The following PLCB1 variants were observed in gnomAD, a reference collection of about 807,000 sequenced individuals.
The protein encoded by PLCB1 is phospholipase C beta 1, also known as 1-phosphatidylinositol 4,5-bisphosphate phosphodiesterase beta-1.
In PLCB1, 46 loss-of-function variants were observed where a neutral mutation model predicts 161.8. The ratio of observed to expected loss-of-function variants is 0.28; its 90% CI spans 0.22 to 0.36. The LOEUF is 0.36. Among genes scored for constraint, PLCB1 ranks in the 10% least tolerant of loss-of-function variants. The probability of loss-of-function intolerance (pLI) is 1.00; values close to 1 mark genes in which losing one functional copy is unlikely to be tolerated. For missense variants in PLCB1, 1,016 were observed against 1,472.5 expected (o/e 0.69, Z 5.07); for synonymous variants, 517 against 503.7 (o/e 1.03, Z -0.35).
At chr20:8,702,474 C>A (rs933931206) in intron 11 of PLCB1, among the ~76,000 whole-genome samples, 3 of 152,046 alleles carry the variant, frequency 2.0e-5, no homozygotes, top group Non-Finnish European at 4.4e-5. Flanking sequence ...AGGTTAAATC[C>A]AGCATTTCTG....
intron 2 of PLCB1, among the ~76,000 whole-genome samples, chr20:8,165,101 A>T (rs1322179009): frequency 6.6e-6 from 1 of 152,226 alleles, no homozygotes. Context: ...TTAGTTTTGT[A>T]TAGTTTTCTA....
chr20:8,262,025 C>T (rs1981723250), intron 2 of PLCB1, among the ~76,000 whole-genome samples: 1 of 151,854 alleles, frequency 6.6e-6, no homozygotes, highest in Admixed American at 6.6e-5. Flanking sequence ...GGGATTATTC[C>T]TTCCCTTCAT....
Position 8,741,494 on chromosome 20 carries a change from G to A in PLCB1, c.2444G>A (p.Arg815Gln), listed in dbSNP as rs779947339. 1.2e-5 allele frequency: 19 copies of A among 1,613,326 alleles called. No homozygotes were observed. The highest frequency in any genetic ancestry group is 6.7e-5 in the Admixed American group (4 of 59,988). ...ATCGAAGCTTTATCAAACCCAATCC[G>A]ATATGTGAACCTGATGGAACAGAGA... ...DVIEALSNPI[R>Q]YVNLMEQRAK... The change falls in exon 23 of 32, where the codon CGA becomes CAA. Residue 815 changes from arginine (R) to glutamine (Q), a missense_variant. By Grantham distance (43) the Arg-to-Gln change is conservative. This residue lies in a region of PLCB1 where 75 missense variants were observed against 117.0 expected (regional missense o/e 0.64). Coordinates refer to ENST00000338037, the MANE Select transcript of PLCB1 (RefSeq NM_015192.4).
intron 3 of PLCB1, among the ~76,000 whole-genome samples, chr20:8,575,297 C>G (rs572771502): frequency 6.6e-6 from 1 of 152,188 alleles, no homozygotes; most frequent in Non-Finnish European, 1.5e-5. Flanking sequence ...TTAGCTTATA[C>G]TTAGCCCCAG....
intron 4 of PLCB1, among the ~76,000 whole-genome samples, chr20:8,641,658 C>T (rs1988961238): frequency 6.6e-6 from 1 of 152,168 alleles, no homozygotes; most frequent in Non-Finnish European, 1.5e-5. Context: ...AAGAGGTAGA[C>T]CAATCAGACC....
intron 3 of PLCB1, among the ~76,000 whole-genome samples, chr20:8,452,959 A>G (rs1449554114): frequency 6.6e-6 from 1 of 152,194 alleles, no homozygotes; most frequent in Non-Finnish European, 1.5e-5. Context: ...GCTGACATGG[A>G]TGCCAGAATT....
chr20:8,529,225 A>G (rs1162500363), intron 3 of PLCB1, among the ~76,000 whole-genome samples: 1 of 152,016 alleles, frequency 6.6e-6, no homozygotes, highest in Admixed American at 6.6e-5. Flanking sequence ...TCCATTTATC[A>G]TTTTCCAAAA....
chr20:8,849,864 T>G (rs78921984), intron 31 of PLCB1, among the ~76,000 whole-genome samples: 6,442 of 151,306 alleles, frequency 0.043, 216 homozygotes, highest in African/African-American at 0.09. Flanking sequence ...AATACAAAAA[T>G]TAGCTGGGCA....
intron 31 of PLCB1, among the ~76,000 whole-genome samples, chr20:8,815,744 A>G (rs1159533145): frequency 1.3e-5 from 2 of 152,240 alleles, no homozygotes; most frequent in Non-Finnish European, 1.5e-5. Context: ...ATATCTGACT[A>G]TTAAAAAATT....
chr20:8,379,820 T>A (rs1426203418), intron 3 of PLCB1, among the ~76,000 whole-genome samples: 1 of 152,216 alleles, frequency 6.6e-6, no homozygotes, highest in Non-Finnish European at 1.5e-5. Flanking sequence ...TTTGTTTTTT[T>A]TCTTGTAAAT....
intron 2 of PLCB1, among the ~76,000 whole-genome samples, chr20:8,153,611 G>A (rs541503662): frequency 1.3e-4 from 20 of 152,056 alleles, no homozygotes; most frequent in African/African-American, 4.6e-4. Context: ...AAGTGTCAAT[G>A]TTAAAGAGCT....
rs556044984 is a variant in PLCB1 at position 8,287,010 on chromosome 20, CTAATATTT to C, written c.178-84363_178-84356del. On this transcript the variant is annotated intron_variant, in intron 2 of 31. Coordinates refer to ENST00000338037, the MANE Select transcript of PLCB1 (RefSeq NM_015192.4). ...AAATTCTCATATCCAAATTTTTCATCTAATATTTTAATATTTAACTTTTTAATCCAACA... is the reference window on the plus strand; with the variant it reads ...AAATTCTCATATCCAAATTTTTCATCTAATATTTAACTTTTTAATCCAACA... Among the ~76,000 whole-genome samples, 18 of 152,110 alleles carry C rather than the reference CTAATATTT, an allele frequency of 1.2e-4. No individual in the cohort carries two copies. In the East Asian group the frequency reaches 3.3e-3, roughly 28 times the overall value.
intron 18 of PLCB1, chr20:8,729,631 A>G (rs6056045): frequency 0.98 from 149,664 of 152,094 alleles, 73,656 homozygotes; most frequent in East Asian, 1. Context: ...TCATATATAC[A>G]TATATAAACA....
At chr20:8,698,149 A>T (rs1237435484) in intron 11 of PLCB1, among the ~76,000 whole-genome samples, 1 of 152,182 alleles carries the variant, frequency 6.6e-6, no homozygotes, top group Non-Finnish European at 1.5e-5. Context: ...CATCCATGTA[A>T]CTACCATCTA....
At chr20:8,503,581 A>G (rs1359417682) in intron 3 of PLCB1, among the ~76,000 whole-genome samples, 1 of 152,084 alleles carries the variant, frequency 6.6e-6, no homozygotes, top group Non-Finnish European at 1.5e-5. Context: ...CTATACAGTC[A>G]TATGTACAAT....
chr20:8,493,601 A>T (rs890054551), intron 3 of PLCB1, among the ~76,000 whole-genome samples: 1 of 152,236 alleles, frequency 6.6e-6, no homozygotes, highest in African/African-American at 2.4e-5. Flanking sequence ...TGTTTCTTGT[A>T]AAGTGAATTT....
intron 2 of PLCB1, among the ~76,000 whole-genome samples, chr20:8,188,697 A>G (rs2051933194): frequency 6.6e-6 from 1 of 152,136 alleles, no homozygotes; most frequent in African/African-American, 2.4e-5. Context: ...TCTGAGCCAT[A>G]TAAAGAGTGA....
At chr20:8,324,329 T>G (rs1985055049) in intron 2 of PLCB1, among the ~76,000 whole-genome samples, 1 of 152,082 alleles carries the variant, frequency 6.6e-6, no homozygotes, top group Non-Finnish European at 1.5e-5. Context: ...TTTGATATTT[T>G]CCGTAAGAGT....
intron 2 of PLCB1, among the ~76,000 whole-genome samples, chr20:8,302,450 G>A (rs1249581983): frequency 6.6e-6 from 1 of 152,124 alleles, no homozygotes; most frequent in African/African-American, 2.4e-5. Context: ...ATTCTGCTAT[G>A]AGTCCAATTT....
Sources: allele counts gnomAD v4.1 joint callset (sites outside exome capture counted in the v4.1 genomes callset), GRCh38; gene constraint gnomAD v4.1.1; regional missense constraint gnomAD v4.1.1; transcripts MANE v1.5; gene names NCBI Gene and HGNC (gene_info 2026-07-23, HGNC 2026-07-21).